The following DCLK1 variants were observed in gnomAD, a reference collection of about 807,000 sequenced individuals.
DCLK1 encodes doublecortin like kinase 1.
DCLK1 carries 16 observed loss-of-function variants against 86.2 expected under a neutral mutation model. The ratio of observed to expected loss-of-function variants is 0.19; its 90% CI spans 0.13 to 0.28. DCLK1 has a LOEUF of 0.28. Ranked by LOEUF, DCLK1 falls within the 10% of genes least tolerant of loss-of-function variation. The pLI is 1.00. For missense variants in DCLK1, 590 were observed against 940.2 expected, an observed-to-expected ratio of 0.63 and a Z score of 4.87; for synonymous variants, 369 against 370.5, an observed-to-expected ratio of 1.00 and a Z score of 0.05.
intron 5 of DCLK1, among the ~76,000 whole-genome samples, chr13:35,860,037 C>A (rs1295938279): frequency 6.6e-6 from 1 of 152,168 alleles, no homozygotes; most frequent in East Asian, 1.9e-4. Flanking sequence ...GACGTGAAAT[C>A]CACCTTACTG....
intron 5 of DCLK1, among the ~76,000 whole-genome samples, chr13:35,862,725 T>C (rs1467575655): frequency 6.6e-6 from 1 of 152,200 alleles, no homozygotes; most frequent in East Asian, 1.9e-4. Flanking sequence ...AACTATGCCA[T>C]ATAGTTTAAT....
chr13:35,929,060 G>A (rs1006132904), intron 4 of DCLK1, among the ~76,000 whole-genome samples: 1 of 152,106 alleles, frequency 6.6e-6, no homozygotes. Context: ...CTCCCAAGTA[G>A]CTGGGACTAC....
chr13:36,069,588 T>A (rs1197506911), intron 3 of DCLK1, among the ~76,000 whole-genome samples: 1 of 152,078 alleles, frequency 6.6e-6, no homozygotes, highest in Non-Finnish European at 1.5e-5. Context: ...TTCCTTCCCA[T>A]CCCCTCCACC....
intron 6 of DCLK1, chr13:35,849,948 T>C (rs1045666229): frequency 8.4e-5 from 80 of 956,398 alleles, no homozygotes; most frequent in Non-Finnish European, 9.8e-5. Flanking sequence ...ATACAATCTA[T>C]AGCAATGCCA....
At chr13:35,914,921 T>C (rs1392838530) in intron 4 of DCLK1, among the ~76,000 whole-genome samples, 1 of 152,140 alleles carries the variant, frequency 6.6e-6, no homozygotes, top group African/African-American at 2.4e-5. Flanking sequence ...AGGAGATGAC[T>C]TGAAGATGAG....
At chr13:35,979,833 A>G (rs1239501449) in intron 3 of DCLK1, among the ~76,000 whole-genome samples, 1 of 152,224 alleles carries the variant, frequency 6.6e-6, no homozygotes, top group East Asian at 1.9e-4. Context: ...TCAACTGGAC[A>G]TGAAGGATTC....
chr13:35,778,651 T>C (rs1478988167), intron 16 of DCLK1, among the ~76,000 whole-genome samples: 1 of 152,090 alleles, frequency 6.6e-6, no homozygotes, highest in Non-Finnish European at 1.5e-5. Flanking sequence ...TGAATCCCAA[T>C]TTTGAGAGAC....
At chr13:36,067,503 A>G (rs948428283) in intron 3 of DCLK1, among the ~76,000 whole-genome samples, 1 of 150,494 alleles carries the variant, frequency 6.6e-6, no homozygotes, top group Non-Finnish European at 1.5e-5. Flanking sequence ...GCACATGTAT[A>G]CATATGTAAC....
intron 3 of DCLK1, among the ~76,000 whole-genome samples, chr13:36,026,393 C>T (rs1425087425): frequency 6.6e-6 from 1 of 152,102 alleles, no homozygotes; most frequent in African/African-American, 2.4e-5. Flanking sequence ...CAACTGTCAA[C>T]AATTTGAGAC....
At chr13:35,786,377 T>C (rs2086621235) in intron 16 of DCLK1, among the ~76,000 whole-genome samples, 1 of 152,236 alleles carries the variant, frequency 6.6e-6, no homozygotes, top group Non-Finnish European at 1.5e-5. Context: ...ATCTGGTTAA[T>C]ATTCCTGACA....
At chr13:35,827,036 C>T (rs1031020800) in intron 10 of DCLK1, among the ~76,000 whole-genome samples, 7 of 152,192 alleles carry the variant, frequency 4.6e-5, no homozygotes, top group African/African-American at 1.7e-4. Flanking sequence ...AGGTAAGAGA[C>T]CTTTCATCTC....
At chr13:35,841,849 C>T (rs142256254) in intron 6 of DCLK1, among the ~76,000 whole-genome samples, 125 of 152,172 alleles carry the variant, frequency 8.2e-4, no homozygotes, top group Non-Finnish European at 1.5e-3. Context: ...AAGATGGTGA[C>T]CATCCGCTGA....
chr13:35,862,574 T>G (rs983821604), intron 5 of DCLK1, among the ~76,000 whole-genome samples: 1 of 152,192 alleles, frequency 6.6e-6, no homozygotes, highest in Non-Finnish European at 1.5e-5. Context: ...CCCTTTCACT[T>G]CATAATACCT....
chr13:35,865,341 A>G (rs1871715537), intron 5 of DCLK1, among the ~76,000 whole-genome samples: 1 of 152,202 alleles, frequency 6.6e-6, no homozygotes, highest in African/African-American at 2.4e-5. Flanking sequence ...AACCCATATG[A>G]AACTCCTTAT....
chr13:36,104,636 C>A (rs541876818), intron 3 of DCLK1, among the ~76,000 whole-genome samples: 1 of 151,364 alleles, frequency 6.6e-6, no homozygotes, highest in Non-Finnish European at 1.5e-5. Flanking sequence ...GCAACGAGTC[C>A]AATGCCAGGC....
intron 3 of DCLK1, among the ~76,000 whole-genome samples, chr13:36,042,260 A>C (rs1882725446): frequency 1.3e-5 from 2 of 152,238 alleles, no homozygotes; most frequent in African/African-American, 4.8e-5. Flanking sequence ...CATGGTTATT[A>C]AATTATGTCT....
intron 15 of DCLK1, among the ~76,000 whole-genome samples, chr13:35,804,555 C>A (rs1468396192): frequency 6.6e-6 from 1 of 152,014 alleles, no homozygotes; most frequent in African/African-American, 2.4e-5. Context: ...GCCTCAGCCT[C>A]CTGAGTAGCT....
intron 3 of DCLK1, among the ~76,000 whole-genome samples, chr13:35,965,481 C>T (rs145007976): frequency 3.3e-5 from 5 of 152,302 alleles, no homozygotes; most frequent in Non-Finnish European, 7.3e-5. Context: ...ATGTTATTCA[C>T]TTGGTTGTAA....
At chr13:35,996,682 T>A (rs185783339) in intron 3 of DCLK1, among the ~76,000 whole-genome samples, 15 of 148,508 alleles carry the variant, frequency 1.0e-4, no homozygotes, top group Non-Finnish European at 1.5e-4. Context: ...TTCACGTGAG[T>A]TCCTTAAAAC....
Sources: allele counts gnomAD v4.1 joint callset (sites outside exome capture counted in the v4.1 genomes callset), GRCh38; gene constraint gnomAD v4.1.1; transcripts MANE v1.5; gene names NCBI Gene and HGNC (gene_info 2026-07-23, HGNC 2026-07-21).